SPOCK2: variants seen among roughly 807,000 people sequenced by gnomAD.
SPOCK2 encodes SPARC (osteonectin), cwcv and kazal like domains proteoglycan 2.
Under a neutral mutation model 60.1 loss-of-function variants are expected in SPOCK2, and 39 were observed. That is an observed-to-expected ratio of 0.65 (90% CI 0.50 to 0.85). SPOCK2 has a LOEUF of 0.85. Ranked by LOEUF, SPOCK2 falls within the 40% of genes least tolerant of loss-of-function variation. The pLI is 0.00. For synonymous variants in SPOCK2, 217 were observed against 231.5 expected (o/e 0.94, Z 0.57); for missense variants, 523 against 567.4 (o/e 0.92, Z 0.80).
intron 4 of SPOCK2, among the ~76,000 whole-genome samples, chr10:72,071,661 AAGG>A (rs755551266): frequency 2.0e-5 from 3 of 152,208 alleles, no homozygotes; most frequent in Non-Finnish European, 4.4e-5. Flanking sequence ...AAGGCCCAAA[AAGG>A]AGATGTGACT....
At chr10:72,068,336 G>C in intron 5 of SPOCK2, 35 bp from the exon 6 acceptor site, 1 of 1,563,146 alleles carries the variant, frequency 6.4e-7, no homozygotes, top group Non-Finnish European at 8.7e-7. Flanking sequence ...GGGGACTGAG[G>C]GCTTACCCCA....
In SPOCK2 at chr10:72,081,916, G is replaced by T. The variant is rs111382016; in HGVS notation, c.189+6224C>A. 2.1e-3 allele frequency among the ~76,000 whole-genome samples: 317 copies of T among 152,236 alleles called. 3 individuals are homozygous for T. The highest frequency in any genetic ancestry group is 6.7e-3 in the African/African-American group (279 of 41,530). On this transcript the variant is annotated intron_variant, in intron 1 of 10. Coordinates refer to ENST00000373109, the MANE Select transcript of SPOCK2 (RefSeq NM_001244950.2). The stretch of plus-strand genomic sequence containing the variant: ...AACGGGCTGGATGAGATCCTGTCTG[G>T]CTCTAACATGCCACAGTGCACACGT...
Position 72,061,989 on chromosome 10 carries a change from CCT to C in SPOCK2, c.*769_*770del, listed in dbSNP as rs140524322. The C allele has an allele frequency of 6.5e-6, 1 of 153,544 alleles. No individual in the cohort carries two copies. The highest frequency in any genetic ancestry group is 2.4e-5 in the African/African-American group (1 of 41,600). The allele number at this position is 153,544 out of a possible 1,614,324, so 9.5% of individuals were successfully genotyped here. On this transcript the variant is annotated 3_prime_UTR_variant, in exon 11 of 11. Coordinates refer to ENST00000373109, the MANE Select transcript of SPOCK2 (RefSeq NM_001244950.2). ...GACCTCAGACAGCTTGGCGAGGCAC[CCT>C]GTCCCTGGCCTCTCAGCTGCTGCCC...
chr10:72,083,802 T>C (rs569849938), intron 1 of SPOCK2, among the ~76,000 whole-genome samples: 13 of 152,340 alleles, frequency 8.5e-5, no homozygotes, highest in African/African-American at 3.1e-4. Flanking sequence ...ATATGTTTTG[T>C]TTTGTTTTTA....
intron 1 of SPOCK2, among the ~76,000 whole-genome samples, chr10:72,078,404 G>C (rs927245796): frequency 2.6e-5 from 4 of 151,834 alleles, no homozygotes; most frequent in Non-Finnish European, 5.9e-5. Flanking sequence ...CCAGCTACTC[G>C]GGAGGCTGAG....
intron 1 of SPOCK2, among the ~76,000 whole-genome samples, chr10:72,083,223 C>T (rs1840810040): frequency 6.6e-6 from 1 of 152,196 alleles, no homozygotes; most frequent in Non-Finnish European, 1.5e-5. Context: ...AGAATCTCTT[C>T]CTTAAACCCA....
chr10:72,066,962 C>T lies in SPOCK2; in HGVS notation c.868G>A (p.Asp290Asn), dbSNP rs1208529854. 1 of 1,614,214 alleles carries T rather than the reference C, an allele frequency of 6.2e-7. No homozygotes were observed. The highest frequency in any genetic ancestry group is 8.5e-7 in the Non-Finnish European group (1 of 1,180,040). The change falls in exon 8 of 11, where the codon GAC becomes AAC. Residue 290 changes from aspartate (D) to asparagine (N), a missense_variant. Asp to Asn is a conservative substitution (Grantham distance 23, BLOSUM62 1). Transcript: ENST00000373109. ...GAGACCCGGCCATCCTTGTAGGTGTCACAGGAGTTGAAGAAGGGACGGATG... is the reference window on the plus strand; with the variant it reads ...GAGACCCGGCCATCCTTGTAGGTGTTACAGGAGTTGAAGAAGGGACGGATG... ...VCIRPFFNSC[D>N]TYKDGRVSTA... is the part of the protein sequence containing the mutation.
chr10:72,075,949 A>T (rs982168479), intron 1 of SPOCK2, among the ~76,000 whole-genome samples: 1 of 152,170 alleles, frequency 6.6e-6, no homozygotes, highest in Non-Finnish European at 1.5e-5. Flanking sequence ...ATCTCCCAGG[A>T]CTACTCAGAG....
At chr10:72,071,357 T>C (rs1237734463) in intron 4 of SPOCK2, among the ~76,000 whole-genome samples, 1 of 152,052 alleles carries the variant, frequency 6.6e-6, no homozygotes, top group African/African-American at 2.4e-5. Flanking sequence ...GCCCAGCTAA[T>C]TTTGTATTTT....
rs554126647 is a variant in SPOCK2, at chr10:72,072,822, T to G, written c.198+80A>C. ...GGCTGGCAGGGAAGGCAAGTCAGAA[T>G]GAGGGTGTGGAGGGACACAGGAGGG... On this transcript the variant is annotated intron_variant, in intron 2 of 10. Transcript: ENST00000373109. The G allele has an allele frequency of 3.0e-5, 46 of 1,545,434 alleles. No homozygotes were observed. The South Asian group carries it at 3.9e-4, about 13-fold the overall frequency.
In SPOCK2 at chr10:72,061,816, G is replaced by A. The variant is rs1047599010; in HGVS notation, c.*944C>T. ...TCCACCACGAGACCCAGAGAAAAGG[G>A]ACAGGCTATTCCAGGGTCTAGGATT... On this transcript the variant is annotated 3_prime_UTR_variant, in exon 11 of 11. Transcript: ENST00000373109. 2 of 152,578 alleles carry A rather than the reference G, an allele frequency of 1.3e-5. No homozygotes were observed. Among genetic ancestry groups the A allele is most frequent in the Non-Finnish European group, 2.9e-5 (2 of 68,260 alleles). 9.5% of individuals were successfully genotyped at this position (152,578 alleles called of 1,614,324 possible).
At chr10:72,063,293 A>C in intron 9 of SPOCK2, 131 bp from the exon 10 acceptor site, 2 of 1,322,890 alleles carry the variant, frequency 1.5e-6, no homozygotes, top group Non-Finnish European at 1.0e-6. Flanking sequence ...CCGGGTGCTG[A>C]CCCCCCAACA....
chr10:72,069,309 C>A (rs1005266322), intron 5 of SPOCK2: 1 of 152,588 alleles, frequency 6.6e-6, no homozygotes, highest in Non-Finnish European at 1.5e-5. Context: ...TCAATCATCA[C>A]CCACAGCGGG....
rs566442342 is a variant in SPOCK2, at chr10:72,086,488, G to C, written c.189+1652C>G. ...CATTTTGGCAGATCAAACAGCCAGC[G>C]AGTCGGAGGGAGGCCTAGGCCAGTG... is the stretch of plus-strand genomic sequence containing the variant. On this transcript the variant is annotated intron_variant, in intron 1 of 10. Transcript: ENST00000373109. 42 of 1,064,472 alleles carry C rather than the reference G, an allele frequency of 3.9e-5. No homozygotes were observed. In the African/African-American group the frequency reaches 6.4e-4, roughly 16 times the overall value. 65.9% of individuals were successfully genotyped at this position (1,064,472 alleles called of 1,614,324 possible).
Position 72,067,613 on chromosome 10 carries a change from C to A in SPOCK2, c.709G>T (p.Gly237Trp). ...CCAGGCAGAGCAGCAAGCTTCCTACCGCTGGCCGGGCCGGCTACACTGCTG... is the reference window on the plus strand; with the variant it reads ...CCAGGCAGAGCAGCAAGCTTCCTACAGCTGGCCGGGCCGGCTACACTGCTG... ...SASSVAGPAS[G>W]LDKSLGASCK... The change falls in exon 7 of 11, where the codon GGG (glycine) becomes TGG (tryptophan). Residue 237 changes from glycine to tryptophan, a missense_variant and splice_region_variant. Physicochemically the swap from Gly to Trp is radical, Grantham distance 184. Coordinates refer to ENST00000373109, the MANE Select transcript of SPOCK2 (RefSeq NM_001244950.2). 2 of 1,612,462 alleles carry A rather than the reference C, an allele frequency of 1.2e-6. No homozygotes were observed. The highest frequency in any genetic ancestry group is 1.7e-5 in the Admixed American group (1 of 60,006).
At chr10:72,077,825 C>T (rs891185292) in intron 1 of SPOCK2, among the ~76,000 whole-genome samples, 10 of 152,162 alleles carry the variant, frequency 6.6e-5, no homozygotes, top group African/African-American at 2.4e-5. Flanking sequence ...GACTGTCCTG[C>T]CCCTTCCCCT....
In SPOCK2 at chr10:72,062,791, C is replaced by T; in HGVS notation, c.1244G>A (p.Gly415Asp). 6.2e-7 allele frequency: 1 copy of T among 1,608,992 alleles called. No homozygotes were observed. ...EEAEEEEGEA[G>D]EADDGGYIW ...GATGTAGCCCCCGTCGTCAGCCTCG[C>T]CTGCCTCGCCCTCCTCCTCCTCGGC... The change falls in exon 11 of 11, where the codon GGC becomes GAC. Residue 415 changes from glycine to aspartate, a missense_variant. Transcript: ENST00000373109. This position sits in a 1 kb window ranked among gnomAD's most constrained non-coding sequence, Gnocchi z 4.3.
At position 72,062,373 on chromosome 10, in the gene SPOCK2, T is replaced by G; in HGVS notation, c.*387A>C. ...TGGGCTGGAGGACACGGCTGGGGGATCTCATTTCATGGATTTTGACCTGTC... is the reference window on the plus strand; with the variant it reads ...TGGGCTGGAGGACACGGCTGGGGGAGCTCATTTCATGGATTTTGACCTGTC... On this transcript the variant is annotated 3_prime_UTR_variant, in exon 11 of 11. Coordinates refer to ENST00000373109, the MANE Select transcript of SPOCK2 (RefSeq NM_001244950.2). The surrounding 1 kb of genome is among the most constrained non-coding windows in gnomAD (Gnocchi z 4.3). The G allele has an allele frequency of 5.1e-6, 1 of 197,448 alleles. No homozygotes were observed. The highest frequency in any genetic ancestry group is 1.0e-5 in the Non-Finnish European group (1 of 98,564). 12.2% of individuals were successfully genotyped at this position (197,448 alleles called of 1,614,324 possible).
At position 72,087,059 on chromosome 10, in the gene SPOCK2, ACCAGGTCG is replaced by A; in HGVS notation, c.189+1073_189+1080del. On this transcript the variant is annotated intron_variant, in intron 1 of 10. Transcript: ENST00000373109. This position sits in a 1 kb window ranked among gnomAD's most constrained non-coding sequence, Gnocchi z 4.7. ...TTCTGGGGTCAGGGCCGCGGTGAGCACCAGGTCGCCAGGAGCAGCCGGCGTCGCCTCTG... is the reference window on the plus strand; with the variant it reads ...TTCTGGGGTCAGGGCCGCGGTGAGCACCAGGAGCAGCCGGCGTCGCCTCTG... The A allele has an allele frequency of 6.6e-7, 1 of 1,514,756 alleles. No homozygotes were observed. The highest frequency in any genetic ancestry group is 1.2e-5 in the South Asian group (1 of 80,230). The allele number at this position is 1,514,756 out of a possible 1,614,324, so 93.8% of individuals were successfully genotyped here.
Sources: allele counts gnomAD v4.1 joint callset (sites outside exome capture counted in the v4.1 genomes callset), GRCh38; gene constraint gnomAD v4.1.1; non-coding constraint Gnocchi (gnomAD v3.1); transcripts MANE v1.5; gene names NCBI Gene and HGNC (gene_info 2026-07-23, HGNC 2026-07-21).